EML4: variants seen among roughly 807,000 people sequenced by gnomAD.
EML4 encodes EMAP like 4.
In EML4, 72 loss-of-function variants were observed where a neutral mutation model predicts 129.0. That is an observed-to-expected ratio of 0.56 (90% CI 0.46 to 0.68). The LOEUF is 0.68. EML4 is among the 30% of genes least tolerant of loss of function. EML4 has a pLI of 0.00. For synonymous variants in EML4, 532 were observed against 405.0 expected (o/e 1.31, Z -3.77); for missense variants, 1,363 against 1,190.6 (o/e 1.14, Z -2.13).
At chr2:42,228,846 G>A (rs1313776419) in intron 1 of EML4, among the ~76,000 whole-genome samples, 1 of 152,156 alleles carries the variant, frequency 6.6e-6, no homozygotes, top group Non-Finnish European at 1.5e-5. Context: ...TCCTAACAAT[G>A]CATGGTATGT....
At chr2:42,200,682 C>T (rs2103958468) in intron 1 of EML4, among the ~76,000 whole-genome samples, 1 of 152,324 alleles carries the variant, frequency 6.6e-6, no homozygotes, top group East Asian at 1.9e-4. Context: ...AGCAGTTTGA[C>T]TCTAAATATC....
chr2:42,252,528 G>A (rs1675846540), intron 2 of EML4, among the ~76,000 whole-genome samples: 2 of 152,044 alleles, frequency 1.3e-5, no homozygotes, highest in South Asian at 4.1e-4. Flanking sequence ...CCCTTTAGTG[G>A]TTCTTTATTC....
chr2:42,176,845 G>A (rs1208971473), intron 1 of EML4, among the ~76,000 whole-genome samples: 1 of 152,090 alleles, frequency 6.6e-6, no homozygotes, highest in Non-Finnish European at 1.5e-5. Flanking sequence ...CCAGGCTGGA[G>A]TGCAGTGGTA....
intron 11 of EML4, 193 bp downstream of exon 11, chr2:42,288,515 C>A: frequency 2.9e-6 from 1 of 342,476 alleles, no homozygotes. Context: ...ATAAAATAGT[C>A]AAGCAACTTG....
chr2:42,210,291 C>G (rs763878318), intron 1 of EML4, among the ~76,000 whole-genome samples: 8 of 152,016 alleles, frequency 5.3e-5, no homozygotes, highest in Non-Finnish European at 1.2e-4. Context: ...TATATTGTAG[C>G]AGCTTTGGTG....
At chr2:42,244,107 T>TG (rs201340749) in intron 1 of EML4, among the ~76,000 whole-genome samples, 5 of 135,288 alleles carry the variant, frequency 3.7e-5, no homozygotes, top group African/African-American at 7.9e-5. Flanking sequence ...TTTTGTTTTT[T>TG]TTTTTTTTTT....
chr2:42,249,052 T>A (rs188987131), intron 2 of EML4, among the ~76,000 whole-genome samples: 4 of 152,314 alleles, frequency 2.6e-5, no homozygotes, highest in African/African-American at 7.2e-5. Context: ...AATTGGAATT[T>A]AAGTGACTCT....
rs868503216 is a variant in EML4 at position 42,196,554 on chromosome 2, G to A, written c.25+26918G>A. Among the ~76,000 whole-genome samples, 4 of 152,210 alleles carry A rather than the reference G, an allele frequency of 2.6e-5. No individual in the cohort carries two copies. In the East Asian group the frequency reaches 7.7e-4, roughly 29 times the overall value. On this transcript the variant is annotated intron_variant, in intron 1 of 22. Coordinates refer to ENST00000318522, the MANE Select transcript of EML4 (RefSeq NM_019063.5). ...ACTGTGAGACTATGATAAGAGTTCC[G>A]TCTGCCATGTCTGCTCTGACTACAC...
chr2:42,261,599 A>C (rs1328305931), intron 4 of EML4: 2 of 211,938 alleles, frequency 9.4e-6, no homozygotes, highest in African/African-American at 4.6e-5. Context: ...ACATTTTTGA[A>C]TACTTTTAAA....
intron 20 of EML4, 125 bp downstream of exon 20, chr2:42,325,679 C>T (rs995218452): frequency 9.1e-5 from 21 of 230,754 alleles, no homozygotes; most frequent in South Asian, 3.3e-4. Context: ...GAACAGGCTG[C>T]ATGGAATCTG....
intron 1 of EML4, among the ~76,000 whole-genome samples, chr2:42,243,960 A>G (rs1445565012): frequency 6.6e-6 from 1 of 152,176 alleles, no homozygotes; most frequent in Non-Finnish European, 1.5e-5. Flanking sequence ...CAGCTCTTAC[A>G]TTAGAATCTA....
intron 1 of EML4, among the ~76,000 whole-genome samples, chr2:42,174,891 C>G (rs1174168068): frequency 6.6e-6 from 1 of 151,738 alleles, no homozygotes; most frequent in Admixed American, 6.6e-5. Context: ...GATCTCGGCT[C>G]ACTGCAGCCT....
chr2:42,259,975 C>T (rs1665621827), intron 3 of EML4, among the ~76,000 whole-genome samples: 1 of 151,838 alleles, frequency 6.6e-6, no homozygotes, highest in Non-Finnish European at 1.5e-5. Context: ...CGTGATCCAC[C>T]CACCTCGGCC....
At chr2:42,238,288 T>G (rs1162322048) in intron 1 of EML4, among the ~76,000 whole-genome samples, 1 of 152,166 alleles carries the variant, frequency 6.6e-6, no homozygotes, top group African/African-American at 2.4e-5. Context: ...ATAGAAGAGG[T>G]CCTCATTTTA....
intron 2 of EML4, among the ~76,000 whole-genome samples, chr2:42,248,080 C>T (rs1410633395): frequency 6.6e-6 from 1 of 152,040 alleles, no homozygotes; most frequent in Admixed American, 6.6e-5. Context: ...ACAAGTGGTC[C>T]TCATTCCTCA....
chr2:42,216,003 C>G (rs1673162828), intron 1 of EML4, among the ~76,000 whole-genome samples: 1 of 151,966 alleles, frequency 6.6e-6, no homozygotes, highest in Non-Finnish European at 1.5e-5. Context: ...TCACTGCAAC[C>G]TCCACCTTCT....
chr2:42,184,801 A>G (rs887547238), intron 1 of EML4, among the ~76,000 whole-genome samples: 4 of 152,134 alleles, frequency 2.6e-5, no homozygotes, highest in African/African-American at 9.7e-5. Flanking sequence ...TTCTTAAGTC[A>G]TATATAGCCC....
At chr2:42,239,972 A>G (rs1255142595) in intron 1 of EML4, among the ~76,000 whole-genome samples, 1 of 152,200 alleles carries the variant, frequency 6.6e-6, no homozygotes, top group Non-Finnish European at 1.5e-5. Flanking sequence ...GCAATGCATA[A>G]TATAGTCATC....
At chr2:42,235,062 G>A (rs1026163208) in intron 1 of EML4, among the ~76,000 whole-genome samples, 9 of 152,180 alleles carry the variant, frequency 5.9e-5, no homozygotes, top group Non-Finnish European at 1.0e-4. Context: ...TTGGGAGGCT[G>A]AGGTGGGTGT....
Sources: gnomAD v4.1 joint callset for allele counts (sites outside exome capture counted in the v4.1 genomes callset) on GRCh38, gnomAD v4.1.1 for gene constraint, MANE v1.5 for transcripts, NCBI Gene and HGNC (gene_info 2026-07-23, HGNC 2026-07-21) for gene names.